The following ICA1 variants were observed in gnomAD, a reference collection of about 807,000 sequenced individuals.
ICA1 encodes the protein 69 kDa islet cell autoantigen.
In ICA1, 40 loss-of-function variants were observed where a neutral mutation model predicts 71.0. That is an observed-to-expected ratio of 0.56 (90% confidence interval 0.44 to 0.73). The LOEUF (loss-of-function observed/expected upper bound fraction) is 0.73, where lower values mean the gene tolerates loss of function less well. ICA1 is among the 30% of genes least tolerant of loss of function. The pLI, the probability that ICA1 is intolerant of heterozygous loss-of-function variation, is 0.00. For missense variants in ICA1, 578 were observed against 576.5 expected, an observed-to-expected ratio of 1.00 and a Z score of -0.03; for synonymous variants, 207 against 209.5, an observed-to-expected ratio of 0.99 and a Z score of 0.10.
intron 6 of ICA1, among the ~76,000 whole-genome samples, chr7:8,204,791 C>T (rs1240954791): frequency 1.3e-5 from 2 of 152,130 alleles, no homozygotes; most frequent in Non-Finnish European, 1.5e-5. Context: ...GAAAGTTCAT[C>T]AAATCTTCAT....
At chr7:8,254,883 A>G (rs578049237) in intron 1 of ICA1, among the ~76,000 whole-genome samples, 43 of 152,230 alleles carry the variant, frequency 2.8e-4, no homozygotes, top group African/African-American at 8.7e-4. Flanking sequence ...GCCTTCAGGG[A>G]GCAGTGGGAA....
Position 8,222,672 on chromosome 7 carries a change from G to A in ICA1, c.257-1274C>T, listed in dbSNP as rs1797480311. 6.6e-6 allele frequency among the ~76,000 whole-genome samples: 1 copy of A among 152,224 alleles called. No individual in the cohort carries two copies. Among genetic ancestry groups the A allele is most frequent in the Non-Finnish European group, 1.5e-5 (1 of 68,050 alleles). ...TCCCTTGGGAAGGCCCAGTCAAGAA[G>A]AGGCTTTTAGAATCCATTTTTCCTG... On this transcript the variant is annotated intron_variant, in intron 4 of 13. Transcript: ENST00000402384. The surrounding 1 kb of genome is among the most constrained non-coding windows in gnomAD (Gnocchi z 4.8).
intron 1 of ICA1, among the ~76,000 whole-genome samples, chr7:8,260,176 T>C (rs1416465136): frequency 1.3e-5 from 2 of 152,180 alleles, no homozygotes; most frequent in African/African-American, 4.8e-5. Flanking sequence ...TCCTTCTACG[T>C]TATGGCATAA....
intron 2 of ICA1, 110 bp downstream of exon 2, chr7:8,235,800 T>G: frequency 8.7e-7 from 1 of 1,150,492 alleles, no homozygotes; most frequent in Non-Finnish European, 1.3e-6. Context: ...AGGGCTAACA[T>G]GATACTTACT....
At chr7:8,145,074 T>C (rs1329928366) in intron 8 of ICA1, among the ~76,000 whole-genome samples, 1 of 152,172 alleles carries the variant, frequency 6.6e-6, no homozygotes, top group Non-Finnish European at 1.5e-5. Context: ...GTGTCACACT[T>C]CCAAACTGCC....
intron 2 of ICA1, among the ~76,000 whole-genome samples, chr7:8,233,065 A>G (rs2128463822): frequency 6.6e-6 from 1 of 152,340 alleles, no homozygotes; most frequent in South Asian, 2.1e-4. Context: ...CAGTGAGATC[A>G]AGCCAGGCAG....
chr7:8,217,947 T>C lies in ICA1; in HGVS notation c.579+358A>G, dbSNP rs1583371814. Reference sequence around the variant, plus strand: ...AATATGCATTAGCGATTTTAAAAGATTTCCCCAGTAGTCTGTTCTAACCTC... The same window carrying C: ...AATATGCATTAGCGATTTTAAAAGACTTCCCCAGTAGTCTGTTCTAACCTC... On this transcript the variant is annotated intron_variant, in intron 6 of 13. Coordinates refer to ENST00000402384, the MANE Select transcript of ICA1 (RefSeq NM_001136020.3). Among the ~76,000 whole-genome samples, 3 of 152,238 alleles carry C rather than the reference T, an allele frequency of 2.0e-5. 1 individual carries two copies. In the East Asian group the frequency reaches 5.8e-4, roughly 29 times the overall value.
At chr7:8,182,264 T>A (rs774198781) in intron 6 of ICA1, among the ~76,000 whole-genome samples, 7 of 152,230 alleles carry the variant, frequency 4.6e-5, no homozygotes, top group Non-Finnish European at 7.4e-5. Context: ...AGATCCTTTA[T>A]GTTCTCTTTT....
chr7:8,137,646 T>C (rs1793865420), intron 12 of ICA1, among the ~76,000 whole-genome samples: 1 of 152,250 alleles, frequency 6.6e-6, no homozygotes, highest in Non-Finnish European at 1.5e-5. Context: ...ATGATTTCAA[T>C]ATTTATAAAT....
chr7:8,156,990 G>A (rs751642675), intron 8 of ICA1, 126 bp downstream of exon 8: 8 of 1,583,816 alleles, frequency 5.1e-6, no homozygotes, highest in Admixed American at 1.8e-5. Context: ...TCTGCTGGGG[G>A]CACAGTTCTC....
intron 6 of ICA1, among the ~76,000 whole-genome samples, chr7:8,208,881 C>G (rs551569387): frequency 1.8e-3 from 280 of 152,264 alleles, no homozygotes; most frequent in African/African-American, 6.6e-3. Flanking sequence ...AAACAGTCAT[C>G]CAAGAGATTC....
At chr7:8,124,590 A>G (rs1179507540) in intron 13 of ICA1, among the ~76,000 whole-genome samples, 1 of 152,140 alleles carries the variant, frequency 6.6e-6, no homozygotes, top group Non-Finnish European at 1.5e-5. Flanking sequence ...TTCATTTGTA[A>G]CAAACACGTG....
rs145619863 is a variant in ICA1 at position 8,173,894 on chromosome 7, T to G, written c.580-15242A>C. On this transcript the variant is annotated intron_variant, in intron 6 of 13. Transcript: ENST00000402384. The surrounding 1 kb of genome is among the most constrained non-coding windows in gnomAD (Gnocchi z 4.0). ...AAAGTCTTTGCTTTCATGATGGTTA[T>G]GTTGTAGTGGGTGAAACTGGACAAT... Among the ~76,000 whole-genome samples, 102 of 152,276 alleles carry G rather than the reference T, an allele frequency of 6.7e-4. No homozygotes were observed. The Middle Eastern group carries it at 0.017, about 25-fold the overall frequency.
intron 8 of ICA1, among the ~76,000 whole-genome samples, chr7:8,147,234 G>T (rs1055728936): frequency 6.6e-6 from 1 of 151,850 alleles, no homozygotes; most frequent in African/African-American, 2.4e-5. Context: ...AACCACACTT[G>T]AGCAGCTCTC....
At position 8,145,746 on chromosome 7, in the gene ICA1, G is replaced by GTATATATATAT. The variant is rs199855161; in HGVS notation, c.805-1775_805-1774insATATATATATA. On this transcript the variant is annotated intron_variant, in intron 8 of 13. Coordinates refer to ENST00000402384, the MANE Select transcript of ICA1 (RefSeq NM_001136020.3). ...CACTACTTGTATGATTGGAATCATT[G>GTATATATATAT]TGTATATATATATATATATATGTAT... is the stretch of plus-strand genomic sequence containing the variant. 6.0e-5 allele frequency among the ~76,000 whole-genome samples: 2 copies of GTATATATATAT among 33,506 alleles called. 1 individual carries two copies. The highest frequency in any genetic ancestry group is 8.5e-4 in the Admixed American group (2 of 2,352). The allele number at this position is 33,506 out of a possible 152,430, so 22.0% of individuals were successfully genotyped here. A position where few individuals can be genotyped will look rare whatever the true frequency, so the allele number is the denominator to read the frequency against.
intron 12 of ICA1, among the ~76,000 whole-genome samples, chr7:8,128,786 C>T (rs1790309250): frequency 6.6e-6 from 1 of 151,992 alleles, no homozygotes; most frequent in African/African-American, 2.4e-5. Flanking sequence ...AAAGAGGCTG[C>T]GAGTCAGGGA....
intron 6 of ICA1, among the ~76,000 whole-genome samples, chr7:8,169,845 G>A (rs964732973): frequency 1.3e-5 from 2 of 151,008 alleles, no homozygotes; most frequent in African/African-American, 2.4e-5. Flanking sequence ...AAATTTTGAT[G>A]AAGTCTGATT....
intron 5 of ICA1, 66 bp downstream of exon 5, chr7:8,221,209 G>A (rs528647982): frequency 8.8e-6 from 14 of 1,595,178 alleles, no homozygotes; most frequent in East Asian, 4.5e-5. Flanking sequence ...ATTCCCTTTC[G>A]TGAGTAGGTG....
At chr7:8,209,050 T>C (rs1425527121) in intron 6 of ICA1, among the ~76,000 whole-genome samples, 1 of 152,174 alleles carries the variant, frequency 6.6e-6, no homozygotes, top group East Asian at 1.9e-4. Flanking sequence ...TGCCACCCAA[T>C]ACACCTAAAC....
Sources: allele counts gnomAD v4.1 joint callset (sites outside exome capture counted in the v4.1 genomes callset), GRCh38; gene constraint gnomAD v4.1.1; non-coding constraint Gnocchi (gnomAD v3.1); transcripts MANE v1.5; gene names NCBI Gene and HGNC (gene_info 2026-07-23, HGNC 2026-07-21).